The following APBA1 variants were observed in gnomAD, a reference collection of about 807,000 sequenced individuals.
The protein encoded by APBA1 is amyloid-beta A4 precursor protein-binding family A member 1.
Under a neutral mutation model 86.6 loss-of-function variants are expected in APBA1, and 55 were observed. The observed-to-expected ratio is 0.64, with a 90% confidence interval of 0.51 to 0.80. The LOEUF (loss-of-function observed/expected upper bound fraction) is 0.80. APBA1 is among the 30% of genes least tolerant of loss of function. APBA1 has a pLI of 0.00. For missense variants in APBA1, 1,090 were observed against 1,183.0 expected, an observed-to-expected ratio of 0.92 and a Z score of 1.15; for synonymous variants, 511 against 493.9, an observed-to-expected ratio of 1.03 and a Z score of -0.46.
At chr9:69,638,350 C>T (rs1169637679) in intron 1 of APBA1, among the ~76,000 whole-genome samples, 1 of 152,220 alleles carries the variant, frequency 6.6e-6, no homozygotes, top group Non-Finnish European at 1.5e-5. Context: ...AAGCAATTCT[C>T]CTACCTCAGC....
intron 1 of APBA1, among the ~76,000 whole-genome samples, chr9:69,526,842 T>C (rs929289031): frequency 6.6e-6 from 1 of 152,058 alleles, no homozygotes; most frequent in Non-Finnish European, 1.5e-5. Flanking sequence ...AATGGTGGGC[T>C]GGATAAAGAA....
chr9:69,630,673 C>T (rs1404245503), intron 1 of APBA1, among the ~76,000 whole-genome samples: 1 of 152,166 alleles, frequency 6.6e-6, no homozygotes, highest in Non-Finnish European at 1.5e-5. Context: ...GCTCCTCTGG[C>T]ACACGGCTCT....
chr9:69,617,717 C>A (rs1453949876), intron 1 of APBA1, among the ~76,000 whole-genome samples: 1 of 152,054 alleles, frequency 6.6e-6, no homozygotes, highest in Non-Finnish European at 1.5e-5. Context: ...CTGTCAACAC[C>A]AAATTTTTGA....
At position 69,457,061 on chromosome 9, in the gene APBA1, C is replaced by T. The variant is rs749295663; in HGVS notation, c.1594G>A (p.Asp532Asn). Residue 532 changes from aspartate to asparagine, a missense_variant, in exon 7 of 13, where the codon GAC becomes AAC. This residue lies in a region of APBA1 where 103 missense variants were observed against 91.9 expected (regional missense o/e 1.12). Transcript: ENST00000265381. ...TGGAAGCCAGCTGATACCTGTGTGT[C>T]GGCGTTCAGCACTTTGATTCTCTGG... ...STQRIKVLNA[D>N]TQETMMDHPL... 1.4e-5 allele frequency: 23 copies of T among 1,613,994 alleles called. No homozygotes were observed. Among genetic ancestry groups the T allele is most frequent in the South Asian group, 3.3e-5 (3 of 91,068 alleles).
intron 1 of APBA1, among the ~76,000 whole-genome samples, chr9:69,586,676 C>T (rs1822024891): frequency 6.6e-6 from 1 of 152,198 alleles, no homozygotes; most frequent in Admixed American, 6.5e-5. Context: ...CTAGGAGGAA[C>T]AGTTGGTGTC....
chr9:69,468,267 CTG>C (rs1835312186), intron 4 of APBA1, among the ~76,000 whole-genome samples: 1 of 152,242 alleles, frequency 6.6e-6, no homozygotes, highest in Admixed American at 6.5e-5. Context: ...TCCTGTTAGA[CTG>C]TGAGCTCTTA....
At chr9:69,568,279 G>A (rs1038037668) in intron 1 of APBA1, among the ~76,000 whole-genome samples, 9 of 152,042 alleles carry the variant, frequency 5.9e-5, no homozygotes, top group Admixed American at 2.6e-4. Context: ...AAGGGTTGGG[G>A]GCACTTCATG....
At chr9:69,640,185 T>TAC (rs928094076) in intron 1 of APBA1, among the ~76,000 whole-genome samples, 2 of 152,122 alleles carry the variant, frequency 1.3e-5, no homozygotes, top group African/African-American at 2.4e-5. Context: ...AGCCATTACT[T>TAC]ACACACACAC....
chr9:69,586,125 C>G (rs969108937), intron 1 of APBA1, among the ~76,000 whole-genome samples: 2 of 152,152 alleles, frequency 1.3e-5, no homozygotes, highest in African/African-American at 4.8e-5. Flanking sequence ...GCAGCTAGAG[C>G]CATCACTCAA....
chr9:69,608,780 C>T (rs986404198), intron 1 of APBA1, among the ~76,000 whole-genome samples: 7 of 152,180 alleles, frequency 4.6e-5, no homozygotes, highest in African/African-American at 1.7e-4. Context: ...ACATTCCTAT[C>T]AAGTACACTT....
At chr9:69,566,046 C>T (rs1298721805) in intron 1 of APBA1, among the ~76,000 whole-genome samples, 4 of 152,214 alleles carry the variant, frequency 2.6e-5, no homozygotes, top group African/African-American at 7.2e-5. Flanking sequence ...AACTCCCTGC[C>T]CTGCTCCTGC....
At chr9:69,554,127 AT>A (rs1472403536) in intron 1 of APBA1, among the ~76,000 whole-genome samples, 1 of 152,218 alleles carries the variant, frequency 6.6e-6, no homozygotes, top group East Asian at 1.9e-4. Flanking sequence ...AAAGCAACAT[AT>A]TCAAATACCT....
chr9:69,469,304 T>A (rs570137305), intron 4 of APBA1, among the ~76,000 whole-genome samples: 1 of 152,354 alleles, frequency 6.6e-6, no homozygotes, highest in Admixed American at 6.5e-5. Flanking sequence ...TAATCTGAAA[T>A]GCTTTTTATT....
Position 69,585,728 on chromosome 9 carries a change from A to G in APBA1, c.-69-68449T>C, listed in dbSNP as rs1421190936. Among the ~76,000 whole-genome samples the G allele has an allele frequency of 2.0e-5, 3 of 152,256 alleles. No homozygotes were observed. The East Asian group carries it at 5.8e-4, about 29-fold the overall frequency. On this transcript the variant is annotated intron_variant, in intron 1 of 12. Transcript: ENST00000265381. Reference sequence around the variant, plus strand: ...AAAAGTGGACTCTCTCCCTGTTCATAAGACTTATATCCTAAGCAGTGACTC... The same window carrying G: ...AAAAGTGGACTCTCTCCCTGTTCATGAGACTTATATCCTAAGCAGTGACTC...
intron 1 of APBA1, among the ~76,000 whole-genome samples, chr9:69,534,978 C>A (rs573251242): frequency 1.3e-5 from 2 of 151,868 alleles, no homozygotes; most frequent in African/African-American, 2.4e-5. Flanking sequence ...CTTCTTTTTC[C>A]GTAAATGACA....
At chr9:69,452,386 G>T in intron 8 of APBA1, 85 bp from the exon 9 acceptor site, 1 of 1,360,644 alleles carries the variant, frequency 7.3e-7, no homozygotes, top group Non-Finnish European at 1.0e-6. Context: ...CTGAACAATG[G>T]CCCTCCTGGA....
chr9:69,476,291 CA>C (rs1381058881), intron 2 of APBA1, 148 bp from the exon 3 acceptor site: 3 of 588,196 alleles, frequency 5.1e-6, no homozygotes, highest in Non-Finnish European at 9.0e-6. Flanking sequence ...AAGGAGCTGC[CA>C]ACTGTACATA....
intron 2 of APBA1, among the ~76,000 whole-genome samples, chr9:69,499,666 CAAA>C (rs71356111): frequency 4.9e-5 from 7 of 143,098 alleles, no homozygotes; most frequent in African/African-American, 1.0e-4. Context: ...AGCAACGGTC[CAAA>C]AAAAAAAAAA....
intron 2 of APBA1, among the ~76,000 whole-genome samples, chr9:69,487,174 C>T (rs909152910): frequency 4.6e-5 from 7 of 151,918 alleles, no homozygotes; most frequent in African/African-American, 1.5e-4. Flanking sequence ...GAGAGCAGGG[C>T]CATGATGTGG....
Sources: gnomAD v4.1 joint callset for allele counts (sites outside exome capture counted in the v4.1 genomes callset) on GRCh38, gnomAD v4.1.1 for gene constraint, gnomAD v4.1.1 regional missense constraint, MANE v1.5 for transcripts, NCBI Gene and HGNC (gene_info 2026-07-23, HGNC 2026-07-21) for gene names.